PARD3B: variants seen among roughly 807,000 people sequenced by gnomAD.
The protein encoded by PARD3B is par-3 family cell polarity regulator beta.
A neutral mutation model predicts 130.2 loss-of-function variants in PARD3B; 103 were observed. That is an observed-to-expected ratio of 0.79 (90% CI 0.67 to 0.93). PARD3B has a LOEUF of 0.93. PARD3B is among the 40% of genes least tolerant of loss of function. The pLI, the probability that PARD3B is intolerant of heterozygous loss-of-function variation, is 0.00. For synonymous variants in PARD3B, 583 were observed against 553.2 expected (o/e 1.05, Z -0.76); for missense variants, 1,609 against 1,499.2 (o/e 1.07, Z -1.21).
At chr2:205,157,499 G>A (rs932979782) in intron 10 of PARD3B, among the ~76,000 whole-genome samples, 2 of 152,146 alleles carry the variant, frequency 1.3e-5, no homozygotes, top group Admixed American at 1.3e-4. Flanking sequence ...TCTATTTGGG[G>A]AGGGGTTGAA....
rs1041148770 is a variant in PARD3B at position 205,084,741 on chromosome 2, T to C, written c.505-19685T>C. Among the ~76,000 whole-genome samples, 4 of 151,986 alleles carry C rather than the reference T, an allele frequency of 2.6e-5. No individual in the cohort carries two copies. In the East Asian group the frequency reaches 5.8e-4, roughly 22 times the overall value. ...GGTTTCTTTTTGTTATTGATCTTAATTGCACTGTGGTCAGAGAACAAGATG... is the reference window on the plus strand; with the variant it reads ...GGTTTCTTTTTGTTATTGATCTTAACTGCACTGTGGTCAGAGAACAAGATG... On this transcript the variant is annotated intron_variant, in intron 4 of 22. Coordinates refer to ENST00000406610, the MANE Select transcript of PARD3B (RefSeq NM_001302769.2).
chr2:205,616,232 A>T lies in PARD3B; in HGVS notation c.*419A>T. 1 of 170,496 alleles carries T rather than the reference A, an allele frequency of 5.9e-6. No homozygotes were observed. Among genetic ancestry groups the T allele is most frequent in the Non-Finnish European group, 1.2e-5 (1 of 80,768 alleles). 10.6% of individuals were successfully genotyped at this position (170,496 alleles called of 1,614,324 possible). A position where few individuals can be genotyped will look rare whatever the true frequency, so the allele number is the denominator to read the frequency against. On this transcript the variant is annotated 3_prime_UTR_variant, in exon 23 of 23. Coordinates refer to ENST00000406610, the MANE Select transcript of PARD3B (RefSeq NM_001302769.2). ...CCAGAGGCAGTCTCTGCCAGGCAGC[A>T]TTACCCGCTCCGAGGTGGAGCCTCA...
chr2:204,727,437 G>A (rs1241116328), intron 2 of PARD3B, among the ~76,000 whole-genome samples: 1 of 152,140 alleles, frequency 6.6e-6, no homozygotes, highest in Non-Finnish European at 1.5e-5. Context: ...TTTCAGTCAT[G>A]GTTTTTCTAT....
intron 2 of PARD3B, among the ~76,000 whole-genome samples, chr2:204,748,009 G>T (rs2125380091): frequency 6.6e-6 from 1 of 152,068 alleles, no homozygotes; most frequent in African/African-American, 2.4e-5. Context: ...GAGATGACAG[G>T]CCTTGGGTAA....
intron 2 of PARD3B, among the ~76,000 whole-genome samples, chr2:204,858,644 C>G (rs371691034): frequency 2.0e-5 from 3 of 150,846 alleles, no homozygotes; most frequent in African/African-American, 7.3e-5. Flanking sequence ...ACGATTTTTG[C>G]TAAATGAATA....
chr2:204,683,953 C>T (rs761390665), intron 1 of PARD3B, among the ~76,000 whole-genome samples: 16 of 152,278 alleles, frequency 1.1e-4, no homozygotes, highest in Non-Finnish European at 1.8e-4. Flanking sequence ...TTATTTTCCA[C>T]AATGTCTTGG....
In PARD3B at chr2:205,458,133, G is replaced by A. The variant is rs1490608090; in HGVS notation, c.3044+17461G>A. Among the ~76,000 whole-genome samples the A allele has an allele frequency of 1.3e-5, 2 of 151,962 alleles. No homozygotes were observed. Among genetic ancestry groups the A allele is most frequent in the African/African-American group, 2.4e-5 (1 of 41,386 alleles). ...TGTGTCTGTGAGCGTGTGTTGGCAGGGAGGTATGTTTAAACCTGATTAGGA... is the reference window on the plus strand; with the variant it reads ...TGTGTCTGTGAGCGTGTGTTGGCAGAGAGGTATGTTTAAACCTGATTAGGA... On this transcript the variant is annotated intron_variant, in intron 20 of 22. Coordinates refer to ENST00000406610, the MANE Select transcript of PARD3B (RefSeq NM_001302769.2). The surrounding 1 kb of genome is among the most constrained non-coding windows in gnomAD (Gnocchi z 4.8).
At chr2:204,883,456 T>TATA (rs1438302508) in intron 2 of PARD3B, among the ~76,000 whole-genome samples, 2 of 99,510 alleles carry the variant, frequency 2.0e-5, no homozygotes, top group African/African-American at 1.1e-4. Flanking sequence ...TATATATATA[T>TATA]TTTTTTTTTT....
intron 3 of PARD3B, among the ~76,000 whole-genome samples, chr2:204,999,547 T>C (rs1694651038): frequency 6.6e-6 from 1 of 152,204 alleles, no homozygotes; most frequent in African/African-American, 2.4e-5. Flanking sequence ...GCACCCAATC[T>C]TTTCTATCCA....
chr2:204,763,657 GT>G (rs2041006823), intron 2 of PARD3B, among the ~76,000 whole-genome samples: 1 of 152,166 alleles, frequency 6.6e-6, no homozygotes, highest in African/African-American at 2.4e-5. Flanking sequence ...CATAGCCTCA[GT>G]TTTTTCTTAA....
At chr2:204,612,433 TC>T (rs2033962459) in intron 1 of PARD3B, among the ~76,000 whole-genome samples, 3 of 152,210 alleles carry the variant, frequency 2.0e-5, no homozygotes, top group Non-Finnish European at 4.4e-5. Flanking sequence ...TGTCTTTTCT[TC>T]CCAGTTATGT....
At chr2:204,631,658 G>T (rs948050382) in intron 1 of PARD3B, among the ~76,000 whole-genome samples, 3 of 152,136 alleles carry the variant, frequency 2.0e-5, no homozygotes, top group Non-Finnish European at 2.9e-5. Context: ...CTAGCTGCTG[G>T]TTATTTTGCA....
chr2:205,503,570 C>T (rs2050238418), intron 21 of PARD3B, among the ~76,000 whole-genome samples: 3 of 152,124 alleles, frequency 2.0e-5, no homozygotes, highest in Non-Finnish European at 4.4e-5. Context: ...GTTTTGGTTA[C>T]TGTAGCCTTG....
At chr2:204,712,769 T>C (rs569645443) in intron 2 of PARD3B, among the ~76,000 whole-genome samples, 2 of 151,920 alleles carry the variant, frequency 1.3e-5, no homozygotes, top group African/African-American at 4.8e-5. Flanking sequence ...GCTTAAAAAA[T>C]AGAGTAATAC....
intron 2 of PARD3B, among the ~76,000 whole-genome samples, chr2:204,803,010 TAGAGA>T (rs1401367648): frequency 6.8e-6 from 1 of 146,988 alleles, no homozygotes; most frequent in Non-Finnish European, 1.5e-5. Flanking sequence ...TAATAAAGAA[TAGAGA>T]AATGTTCTGA....
intron 2 of PARD3B, among the ~76,000 whole-genome samples, chr2:204,732,775 T>C (rs1226023808): frequency 6.6e-6 from 1 of 152,194 alleles, no homozygotes; most frequent in Admixed American, 6.5e-5. Context: ...GGCATTAGTA[T>C]TTGGATGCTT....
intron 14 of PARD3B, among the ~76,000 whole-genome samples, chr2:205,186,210 A>T (rs56661140): frequency 1.3e-5 from 2 of 151,746 alleles, no homozygotes; most frequent in African/African-American, 2.4e-5. Flanking sequence ...TAGGAAGCTT[A>T]TGGGTTTTTA....
intron 21 of PARD3B, among the ~76,000 whole-genome samples, chr2:205,523,217 GTGTGTGTGTATATATATATATATATT>G (rs1030103491): frequency 1.7e-5 from 1 of 58,542 alleles, no homozygotes; most frequent in Non-Finnish European, 3.7e-5. Flanking sequence ...ATATGTGTGT[GTGTGTGTGTATATATATATATATATT>G]TATATATATA....
At chr2:205,164,509 T>A (rs1303058220) in intron 11 of PARD3B, among the ~76,000 whole-genome samples, 1 of 152,128 alleles carries the variant, frequency 6.6e-6, no homozygotes, top group African/African-American at 2.4e-5. Context: ...ATCATTGTTT[T>A]TTCTTGCTGA....
Sources: allele counts gnomAD v4.1 joint callset (sites outside exome capture counted in the v4.1 genomes callset), GRCh38; gene constraint gnomAD v4.1.1; non-coding constraint Gnocchi (gnomAD v3.1); transcripts MANE v1.5; gene names NCBI Gene and HGNC (gene_info 2026-07-23, HGNC 2026-07-21).